Variants in PEMT observed in about 807,000 individuals in gnomAD.
PEMT encodes the protein phosphatidylethanolamine N-methyltransferase.
A neutral mutation model predicts 27.4 loss-of-function variants in PEMT; 23 were observed. The observed-to-expected ratio is 0.84, with a 90% CI of 0.60 to 1.19. PEMT has a LOEUF of 1.19. PEMT is among the 50% of genes most tolerant of loss of function. PEMT has a pLI of 0.00. For synonymous variants in PEMT, 137 were observed against 139.1 expected, an observed-to-expected ratio of 0.98 and a Z score of 0.11; for missense variants, 307 against 310.1, an observed-to-expected ratio of 0.99 and a Z score of 0.07.
chr17:17,589,292 A>T (rs79336887), intron 1 of PEMT, among the ~76,000 whole-genome samples: 67,785 of 142,506 alleles, frequency 0.48, 15,629 homozygotes, highest in Middle Eastern at 0.55. Context: ...TTTTTTTTTT[A>T]AAAACAAAAG....
rs559295824 is a variant in PEMT, at chr17:17,519,992, C to T, written c.320+2288G>A. On this transcript the variant is annotated intron_variant, in intron 3 of 6. Transcript: ENST00000255389. ...CTTTGTGCCGGCCCTGATGGTGGTC[C>T]CGGCATGCTCTAGGGAGCAGGAGTG... Among the ~76,000 whole-genome samples the T allele has an allele frequency of 2.0e-5, 3 of 152,280 alleles. No homozygotes were observed. The South Asian group carries it at 6.2e-4, about 32-fold the overall frequency.
rs758251825 is a variant in PEMT, at chr17:17,509,552, A to T, written c.467-7T>A. ...AGGATCCCGAAGTAATCACCTGTGGATGAGGCAAGGCAGGGTCCCTCGGCT... is the reference window on the plus strand; with the variant it reads ...AGGATCCCGAAGTAATCACCTGTGGTTGAGGCAAGGCAGGGTCCCTCGGCT... On this transcript the variant is annotated splice_polypyrimidine_tract_variant and splice_region_variant and intron_variant, in intron 4 of 6. Coordinates refer to ENST00000255389, the MANE Select transcript of PEMT (RefSeq NM_148172.3). 5.0e-6 allele frequency: 8 copies of T among 1,591,912 alleles called. No homozygotes were observed. The highest frequency in any genetic ancestry group is 2.2e-5 in the South Asian group (2 of 90,612).
intron 1 of PEMT, among the ~76,000 whole-genome samples, chr17:17,578,304 C>G (rs1911755982): frequency 6.6e-6 from 1 of 151,514 alleles, no homozygotes; most frequent in Non-Finnish European, 1.5e-5. Context: ...TCACTTGAGG[C>G]CAGGAGTTTG....
chr17:17,541,583 T>C (rs908125928), intron 2 of PEMT, among the ~76,000 whole-genome samples: 11 of 152,198 alleles, frequency 7.2e-5, no homozygotes, highest in Non-Finnish European at 8.8e-5. Context: ...CACACTGAAC[T>C]TGAAACATCT....
intron 2 of PEMT, among the ~76,000 whole-genome samples, chr17:17,534,433 T>C (rs1311964647): frequency 1.3e-5 from 2 of 152,104 alleles, no homozygotes; most frequent in South Asian, 4.1e-4. Flanking sequence ...GCAGCCTGGG[T>C]TAGAAAGGGC....
chr17:17,523,693 G>T lies in PEMT; in HGVS notation c.205-1298C>A, dbSNP rs963782373. Among the ~76,000 whole-genome samples, 3 of 152,160 alleles carry T rather than the reference G, an allele frequency of 2.0e-5. No individual in the cohort carries two copies. Among genetic ancestry groups the T allele is most frequent in the African/African-American group, 7.2e-5 (3 of 41,436 alleles). ...AGGCGGAAGGAATAAGCGCTGCAGG[G>T]GTGAGGAGGGGGCTGCGGTGACCTT... On this transcript the variant is annotated intron_variant, in intron 2 of 6. Coordinates refer to ENST00000255389, the MANE Select transcript of PEMT (RefSeq NM_148172.3). This position sits in a 1 kb window ranked among gnomAD's most constrained non-coding sequence, Gnocchi z 4.8.
chr17:17,516,317 A>G lies in PEMT; in HGVS notation c.321-3663T>C, dbSNP rs569310685. Among the ~76,000 whole-genome samples the G allele has an allele frequency of 3.2e-4, 49 of 151,466 alleles. No individual in the cohort carries two copies. The South Asian group carries it at 3.8e-3, about 12-fold the overall frequency. ...CTACTAAAACAAAAAATGTTCATCT[A>G]TGCAACCCCCGAGACCATCAAAGGG... On this transcript the variant is annotated intron_variant, in intron 3 of 6. Coordinates refer to ENST00000255389, the MANE Select transcript of PEMT (RefSeq NM_148172.3).
At chr17:17,553,862 C>T (rs1430184909) in intron 2 of PEMT, among the ~76,000 whole-genome samples, 1 of 152,252 alleles carries the variant, frequency 6.6e-6, no homozygotes, top group Non-Finnish European at 1.5e-5. Flanking sequence ...CTGCCATGTC[C>T]CTGCCACGAC....
Position 17,582,423 on chromosome 17 carries a change from T to A in PEMT, c.97-5396A>T, listed in dbSNP as rs1597966226. ...TGCAGGGTTCTCGGGAGCAGCGCTC[T>A]GTGGTCAGGGAATGATCTGCAGTGG... On this transcript the variant is annotated intron_variant, in intron 1 of 6. Coordinates refer to ENST00000255389, the MANE Select transcript of PEMT (RefSeq NM_148172.3). The surrounding 1 kb of genome is among the most constrained non-coding windows in gnomAD (Gnocchi z 4.9). 1.0e-6 allele frequency: 1 copy of A among 985,500 alleles called. No individual in the cohort carries two copies. Among genetic ancestry groups the A allele is most frequent in the Non-Finnish European group, 1.2e-6 (1 of 829,952 alleles). 61.0% of individuals were successfully genotyped at this position (985,500 alleles called of 1,614,324 possible).
intron 3 of PEMT, among the ~76,000 whole-genome samples, chr17:17,515,711 CA>C (rs1193293460): frequency 6.6e-6 from 1 of 152,156 alleles, no homozygotes; most frequent in East Asian, 1.9e-4. Flanking sequence ...CCGTCCATTC[CA>C]CAGGGAAAAT....
At chr17:17,588,850 T>C (rs1912455948) in intron 1 of PEMT, among the ~76,000 whole-genome samples, 1 of 152,222 alleles carries the variant, frequency 6.6e-6, no homozygotes, top group African/African-American at 2.4e-5. Context: ...GGAGCAAGGC[T>C]CCAGAATCCT....
chr17:17,591,592 G>T lies in PEMT; in HGVS notation c.35C>A (p.Thr12Lys). The T allele has an allele frequency of 4.3e-6, 7 of 1,613,532 alleles. No individual in the cohort carries two copies. The highest frequency in any genetic ancestry group is 5.1e-6 in the Non-Finnish European group (6 of 1,179,736). Residue 12 changes from threonine to lysine, a missense_variant, in exon 1 of 7, where the codon ACG (threonine) becomes AAG (lysine). Transcript: ENST00000255389. ...GTCAGGCCCTGCCACCGAGCTGTTC[G>T]TTACCTCGGCTCCCGGGTTCCCAGA... ...KRSGNPGAEV[T>K]NSSVAGPDCC... is the part of the protein sequence containing the mutation.
intron 2 of PEMT, among the ~76,000 whole-genome samples, chr17:17,541,039 G>A (rs1908843475): frequency 6.6e-6 from 1 of 152,232 alleles, no homozygotes; most frequent in African/African-American, 2.4e-5. Flanking sequence ...TGGCCGCTGA[G>A]TGCTCGGCTG....
intron 2 of PEMT, among the ~76,000 whole-genome samples, chr17:17,543,950 TGTG>T (rs1318810644): frequency 6.6e-6 from 1 of 152,172 alleles, no homozygotes; most frequent in Non-Finnish European, 1.5e-5. Context: ...CTTGCCTCCA[TGTG>T]GGAGGAGAGA....
At chr17:17,507,058 G>A (rs566236916) in intron 5 of PEMT, 21 of 1,042,566 alleles carry the variant, frequency 2.0e-5, no homozygotes, top group African/African-American at 3.2e-5. Flanking sequence ...CGCCACACCA[G>A]TAAGCAGCGG....
intron 2 of PEMT, among the ~76,000 whole-genome samples, chr17:17,528,489 C>G (rs375973093): frequency 2.0e-5 from 3 of 152,240 alleles, no homozygotes; most frequent in East Asian, 3.8e-4. Context: ...CCGAGGCCTT[C>G]TCTCCTCTCC....
chr17:17,586,527 G>T (rs1597971420), intron 1 of PEMT, among the ~76,000 whole-genome samples: 1 of 152,204 alleles, frequency 6.6e-6, no homozygotes, highest in Non-Finnish European at 1.5e-5. Flanking sequence ...CACAGAAAGC[G>T]ATCGTGGAAA....
rs551547730 is a variant in PEMT, at chr17:17,512,600, C to A, written c.375G>T (p.Ala125=). 1.2e-6 allele frequency: 2 copies of A among 1,601,062 alleles called. No individual in the cohort carries two copies. Among genetic ancestry groups the A allele is most frequent in the Non-Finnish European group, 1.7e-6 (2 of 1,173,078 alleles). Residue 125 remains alanine (A), a synonymous_variant, in exon 4 of 7, where the codon GCG becomes GCT. Transcript: ENST00000255389. The surrounding 1 kb of genome is among the most constrained non-coding windows in gnomAD (Gnocchi z 6.3). ...GGAGCGCGAGGCCCAGGCTGTAGGC[C>A]GCGGGGGTGTCCAGGCTCTCCATCC... ...QPRMESLDTP[A]AYSLGLALLG...
chr17:17,569,264 C>T (rs1298270487), intron 2 of PEMT, among the ~76,000 whole-genome samples: 2 of 152,214 alleles, frequency 1.3e-5, no homozygotes, highest in Non-Finnish European at 2.9e-5. Context: ...TGTCAGAACA[C>T]CTGTCTGCAG....
Sources: gnomAD v4.1 joint callset for allele counts (sites outside exome capture counted in the v4.1 genomes callset) on GRCh38, gnomAD v4.1.1 for gene constraint, Gnocchi (gnomAD v3.1) non-coding constraint, MANE v1.5 for transcripts, NCBI Gene and HGNC (gene_info 2026-07-23, HGNC 2026-07-21) for gene names.